Variants in WASF2 observed in about 807,000 individuals in gnomAD.
The protein encoded by WASF2 is actin-binding protein WASF2.
A neutral mutation model predicts 45.0 loss-of-function variants in WASF2; 14 were observed. The observed-to-expected ratio is 0.31, with a 90% CI of 0.21 to 0.49. WASF2 has a LOEUF of 0.49. Among genes scored for constraint, WASF2 ranks in the 20% least tolerant of loss-of-function variants. The probability of loss-of-function intolerance (pLI) is 0.99; values close to 1 mark genes in which losing one functional copy is unlikely to be tolerated. For missense variants in WASF2, 439 were observed against 636.1 expected, an observed-to-expected ratio of 0.69 and a Z score of 3.33; for synonymous variants, 200 against 236.3, an observed-to-expected ratio of 0.85 and a Z score of 1.41.
chr1:27,472,342 T>G (rs1359405485), intron 1 of WASF2, among the ~76,000 whole-genome samples: 13 of 129,252 alleles, frequency 1.0e-4, no homozygotes, highest in African/African-American at 3.0e-4. Flanking sequence ...AAAAAAAAAA[T>G]GTAAATCAAA....
intron 4 of WASF2, among the ~76,000 whole-genome samples, chr1:27,417,194 C>T (rs1192328836): frequency 6.6e-6 from 1 of 152,118 alleles, no homozygotes; most frequent in Non-Finnish European, 1.5e-5. Context: ...TATGCAATCC[C>T]ACCACACAAA....
chr1:27,443,038 C>T (rs989842545), intron 1 of WASF2, among the ~76,000 whole-genome samples: 1 of 149,770 alleles, frequency 6.7e-6, no homozygotes, highest in Non-Finnish European at 1.5e-5. Context: ...GTGCCGAAAA[C>T]CTGTAGTCCC....
chr1:27,445,604 T>C (rs2017300237), intron 1 of WASF2, among the ~76,000 whole-genome samples: 1 of 152,190 alleles, frequency 6.6e-6, no homozygotes, highest in Non-Finnish European at 1.5e-5. Flanking sequence ...CGCCCAATTT[T>C]AGCCAGATGC....
chr1:27,415,046 T>C (rs900034961), intron 5 of WASF2, 83 bp from the exon 6 acceptor site: 66 of 1,514,868 alleles, frequency 4.4e-5, no homozygotes, highest in Middle Eastern at 1.7e-4. Flanking sequence ...CATGGATGCG[T>C]ATCTAAGAGA....
rs943289692 is a variant in WASF2, at chr1:27,414,986, G to A, written c.538-23C>T. 162 of 1,611,130 alleles carry A rather than the reference G, an allele frequency of 1.0e-4. No homozygotes were observed. Among genetic ancestry groups the A allele is most frequent in the Non-Finnish European group, 1.3e-4 (152 of 1,178,682 alleles). ...TTTCTATAATGAAAAGGAACAGGAA[G>A]GTCTTTGTAGAACATTTTCCAAGTT... On this transcript the variant is annotated intron_variant, in intron 5 of 8. Transcript: ENST00000618852. This position sits in a 1 kb window ranked among gnomAD's most constrained non-coding sequence, Gnocchi z 4.1.
At chr1:27,451,208 TATAA>T (rs1353904914) in intron 1 of WASF2, among the ~76,000 whole-genome samples, 1 of 152,170 alleles carries the variant, frequency 6.6e-6, no homozygotes, top group African/African-American at 2.4e-5. Flanking sequence ...CTCCTGGAGA[TATAA>T]ATAAAGGGGA....
In WASF2 at chr1:27,405,725, A is replaced by C. The variant is rs945453055; in HGVS notation, c.*2464T>G. 3 of 150,610 alleles carry C rather than the reference A, an allele frequency of 2.0e-5. No homozygotes were observed. Among genetic ancestry groups the C allele is most frequent in the African/African-American group, 5.0e-5 (2 of 40,392 alleles). 9.3% of individuals were successfully genotyped at this position (150,610 alleles called of 1,614,324 possible). On this transcript the variant is annotated 3_prime_UTR_variant, in exon 9 of 9. Coordinates refer to ENST00000618852, the MANE Select transcript of WASF2 (RefSeq NM_006990.5). The stretch of plus-strand genomic sequence containing the variant: ...GAGGCTTCGCAAGGCCGGCTGCTAC[A>C]AAGTGCCGAGCTTGGCTGCATAGAT...
intron 4 of WASF2, among the ~76,000 whole-genome samples, chr1:27,417,372 A>G (rs1413970584): frequency 2.6e-5 from 4 of 152,206 alleles, no homozygotes; most frequent in Non-Finnish European, 4.4e-5. Flanking sequence ...TTTTACAAGT[A>G]AAATGAAGGA....
At chr1:27,430,679 T>C (rs2017049127) in intron 1 of WASF2, among the ~76,000 whole-genome samples, 1 of 152,044 alleles carries the variant, frequency 6.6e-6, no homozygotes, top group Non-Finnish European at 1.5e-5. Context: ...CACTCTGTCA[T>C]CCAGTATGGA....
rs778013086 is a variant in WASF2, at chr1:27,410,137, G to A, written c.894C>T (p.Ser298=). 5.0e-6 allele frequency: 8 copies of A among 1,613,818 alleles called. No individual in the cohort carries two copies. Among genetic ancestry groups the A allele is most frequent in the Non-Finnish European group, 6.8e-6 (8 of 1,179,908 alleles). The change falls in exon 8 of 9, where the codon AGC becomes AGT. Residue 298 remains serine (S), a synonymous_variant. Transcript: ENST00000618852. This position sits in a 1 kb window ranked among gnomAD's most constrained non-coding sequence, Gnocchi z 4.2. ...CTAGAGGAGGAGCTGGTGGTGGATGGCTTGGGCTGACCACACTGGATCTTT... is the reference window on the plus strand; with the variant it reads ...CTAGAGGAGGAGCTGGTGGTGGATGACTTGGGCTGACCACACTGGATCTTT... ...GPKRSSVVSP[S]HPPPAPPLGS...
At position 27,410,463 on chromosome 1, in the gene WASF2, T is replaced by G. The variant is rs1292836595; in HGVS notation, c.825-257A>C. Among the ~76,000 whole-genome samples, 1 of 152,156 alleles carries G rather than the reference T, an allele frequency of 6.6e-6. No individual in the cohort carries two copies. The highest frequency in any genetic ancestry group is 1.5e-5 in the Non-Finnish European group (1 of 68,012). ...CTACCTGCAAGAAGTGGACTTGAGA[T>G]TCCTCTATCAGGTACAGGCTAGCTG... On this transcript the variant is annotated intron_variant, in intron 7 of 8. Coordinates refer to ENST00000618852, the MANE Select transcript of WASF2 (RefSeq NM_006990.5). The surrounding 1 kb of genome is among the most constrained non-coding windows in gnomAD (Gnocchi z 4.2).
intron 5 of WASF2, 99 bp downstream of exon 5, chr1:27,415,886 C>A: frequency 1.0e-6 from 1 of 973,850 alleles, no homozygotes; most frequent in East Asian, 2.4e-5. Flanking sequence ...AAGCAAGCAG[C>A]CACTTGAAAT....
At chr1:27,474,906 C>T (rs942188702) in intron 1 of WASF2, among the ~76,000 whole-genome samples, 4 of 151,980 alleles carry the variant, frequency 2.6e-5, no homozygotes, top group African/African-American at 4.8e-5. Context: ...GAGCCATGAT[C>T]GCACCACTGC....
At chr1:27,453,360 G>C (rs990528027) in intron 1 of WASF2, among the ~76,000 whole-genome samples, 15 of 152,112 alleles carry the variant, frequency 9.9e-5, no homozygotes, top group African/African-American at 3.6e-4. Flanking sequence ...GGGAGGCTGA[G>C]GTGGGTGGAT....
At chr1:27,459,000 C>T (rs561767993) in intron 1 of WASF2, among the ~76,000 whole-genome samples, 20 of 151,680 alleles carry the variant, frequency 1.3e-4, no homozygotes, top group African/African-American at 4.1e-4. Context: ...GTGGCAGGCG[C>T]CTGTAATCCC....
intron 1 of WASF2, among the ~76,000 whole-genome samples, chr1:27,434,819 G>A (rs2017109936): frequency 6.6e-6 from 1 of 152,172 alleles, no homozygotes; most frequent in Non-Finnish European, 1.5e-5. Flanking sequence ...CCTAGCCATG[G>A]CCTGGCAGTA....
At chr1:27,452,344 C>T (rs2017394553) in intron 1 of WASF2, among the ~76,000 whole-genome samples, 1 of 152,252 alleles carries the variant, frequency 6.6e-6, no homozygotes, top group East Asian at 1.9e-4. Context: ...GAAAACCCAT[C>T]TCTACTAAAA....
At chr1:27,451,037 C>T (rs906692965) in intron 1 of WASF2, among the ~76,000 whole-genome samples, 2 of 151,664 alleles carry the variant, frequency 1.3e-5, no homozygotes, top group East Asian at 1.9e-4. Context: ...ATAGTGAGAT[C>T]CCATCTCTTA....
intron 1 of WASF2, 70 bp from the exon 2 acceptor site, chr1:27,429,003 T>C: frequency 2.1e-4 from 95 of 454,528 alleles, no homozygotes; most frequent in Non-Finnish European, 2.8e-4. Flanking sequence ...GTGTGAATCT[T>C]TTTTTTTTTT....
Sources: gnomAD v4.1 joint callset for allele counts (sites outside exome capture counted in the v4.1 genomes callset) on GRCh38, gnomAD v4.1.1 for gene constraint, Gnocchi (gnomAD v3.1) non-coding constraint, MANE v1.5 for transcripts, NCBI Gene and HGNC (gene_info 2026-07-23, HGNC 2026-07-21) for gene names.